MROH2B: variants seen among roughly 807,000 people sequenced by gnomAD.
MROH2B encodes maestro heat like repeat family member 2B, also known as maestro heat-like repeat-containing protein family member 2B.
In MROH2B, 177 loss-of-function variants were observed where a neutral mutation model predicts 208.6. The ratio of observed to expected loss-of-function variants is 0.85; its 90% CI spans 0.75 to 0.96. The LOEUF (loss-of-function observed/expected upper bound fraction) is 0.96. Among genes scored for constraint, MROH2B ranks in the 40% least tolerant of loss-of-function variants. MROH2B has a pLI of 0.00. For synonymous variants in MROH2B, 728 were observed against 659.0 expected (o/e 1.10, Z -1.60); for missense variants, 2,002 against 1,878.7 (o/e 1.07, Z -1.21).
In MROH2B at chr5:41,007,356, C is replaced by T; in HGVS notation, c.3707G>A (p.Ser1236Asn). ...GCCTATGTGGTGGGTACTAGGACTG[C>T]TGAGTAGAGTCCATAAGTTGTCCCC... Reference protein sequence around the residue: ...DEGDNLWTLLSSPSTHHIGVC... With the variant: ...DEGDNLWTLLNSPSTHHIGVC... Residue 1236 changes from serine to asparagine, a missense_variant, in exon 34 of 42, where the codon AGC becomes AAC. Physicochemically the swap from Ser to Asn is conservative, Grantham distance 46. Transcript: ENST00000399564. 6.5e-7 allele frequency: 1 copy of T among 1,541,552 alleles called. No individual in the cohort carries two copies. The highest frequency in any genetic ancestry group is 1.4e-5 in the African/African-American group (1 of 72,906).
intron 18 of MROH2B, among the ~76,000 whole-genome samples, chr5:41,045,174 G>GA (rs1743078169): frequency 6.6e-6 from 1 of 152,148 alleles, no homozygotes; most frequent in Non-Finnish European, 1.5e-5. Flanking sequence ...AATAATGTTT[G>GA]AAAAATACTT....
chr5:41,052,406 A>G, intron 12 of MROH2B, 59 bp downstream of exon 12: 1 of 1,446,710 alleles, frequency 6.9e-7, no homozygotes, highest in Non-Finnish European at 9.2e-7. Context: ...AAAAAGAAAC[A>G]TAGTTGAGCG....
Position 41,039,526 on chromosome 5 carries a change from G to T in MROH2B, c.1983C>A (p.Ala661=), listed in dbSNP as rs770970687. 3.7e-6 allele frequency: 6 copies of T among 1,603,732 alleles called. No individual in the cohort carries two copies. Among genetic ancestry groups the T allele is most frequent in the Non-Finnish European group, 4.3e-6 (5 of 1,174,794 alleles). The part of the protein sequence containing the change: ...QGITSILGYC[A]ENHLDIVLKV... ...TTAAAACAATATCCAAATGGTTCTC[G>T]GCACAGTATCCTAAAATAGATGTTA... Residue 661 remains alanine, a synonymous_variant, in exon 20 of 42, where the codon GCC becomes GCA. Transcript: ENST00000399564.
rs1371142640 is a variant in MROH2B at position 41,008,619 on chromosome 5, G to A, written c.3595C>T (p.Pro1199Ser). The A allele has an allele frequency of 6.2e-7, 1 of 1,613,686 alleles. No homozygotes were observed. The highest frequency in any genetic ancestry group is 1.1e-5 in the South Asian group (1 of 91,068). ...TTGGCCGTTTACCTGCAGGGGTCTG[G>A]GATCTGCTGCTGTTCTCCCTGCTGC... is the stretch of plus-strand genomic sequence containing the variant. ...VMQQGEQQQI[P>S]DPCRLSTATL... The change falls in exon 33 of 42, where the codon CCA becomes TCA. Residue 1199 changes from proline (P) to serine (S), a missense_variant. Coordinates refer to ENST00000399564, the MANE Select transcript of MROH2B (RefSeq NM_173489.5).
chr5:41,007,058 T>A (rs1271961921), intron 34 of MROH2B, among the ~76,000 whole-genome samples: 1 of 152,232 alleles, frequency 6.6e-6, no homozygotes, highest in East Asian at 1.9e-4. Context: ...GAATATTAAA[T>A]ATTTCTTTCA....
At chr5:41,046,577 G>A (rs1743127094) in intron 17 of MROH2B, among the ~76,000 whole-genome samples, 1 of 151,972 alleles carries the variant, frequency 6.6e-6, no homozygotes, top group Admixed American at 6.6e-5. Context: ...CTTAACAGGA[G>A]CTCATTCATG....
At chr5:41,058,654 T>A (rs1743538988) in intron 6 of MROH2B, among the ~76,000 whole-genome samples, 1 of 152,102 alleles carries the variant, frequency 6.6e-6, no homozygotes. Context: ...TATTTTATTT[T>A]ATTGTATTTT....
chr5:41,000,177 C>G (rs1231731178), intron 39 of MROH2B, 43 bp downstream of exon 39: 1 of 1,611,534 alleles, frequency 6.2e-7, no homozygotes, highest in South Asian at 1.1e-5. Flanking sequence ...TGTCTAGACC[C>G]TTGTCCTGCC....
At chr5:41,030,620 C>A (rs67702993) in intron 24 of MROH2B, among the ~76,000 whole-genome samples, 33,728 of 151,792 alleles carry the variant, frequency 0.22, 3,854 homozygotes, top group South Asian at 0.34. Flanking sequence ...ATAGGAAAAA[C>A]AATACTAAAA....
chr5:41,010,495 T>C (rs1172903689), intron 30 of MROH2B, among the ~76,000 whole-genome samples: 2 of 152,182 alleles, frequency 1.3e-5, no homozygotes, highest in African/African-American at 4.8e-5. Flanking sequence ...CTGAGTCACA[T>C]TGGAGGGCCA....
At chr5:41,009,888 C>T in intron 31 of MROH2B, 34 bp downstream of exon 31, 3 of 1,580,016 alleles carry the variant, frequency 1.9e-6, no homozygotes, top group Non-Finnish European at 2.6e-6. Context: ...AGTGGCCTTC[C>T]CTAGGAGAAG....
rs571200111 is a variant in MROH2B, at chr5:41,061,606, T to G, written c.579A>C (p.Ile193=). ...SDKIFMLFWY[I]MEKWAPLASP... Reference sequence around the variant, plus strand: ...AGGCCAAAGGGGCCCACTTCTCCATTATATACCAGAACAGCATGAAGATCT... The same window carrying G: ...AGGCCAAAGGGGCCCACTTCTCCATGATATACCAGAACAGCATGAAGATCT... The change falls in exon 6 of 42, where the codon ATA becomes ATC. Residue 193 remains isoleucine, a synonymous_variant. Coordinates refer to ENST00000399564, the MANE Select transcript of MROH2B (RefSeq NM_173489.5). 6 of 1,613,796 alleles carry G rather than the reference T, an allele frequency of 3.7e-6. No individual in the cohort carries two copies. In the South Asian group the frequency reaches 6.6e-5, roughly 18 times the overall value.
intron 29 of MROH2B, among the ~76,000 whole-genome samples, chr5:41,014,184 A>C (rs1023259531): frequency 6.6e-6 from 1 of 152,208 alleles, no homozygotes; most frequent in Non-Finnish European, 1.5e-5. Context: ...GAAAATTGCC[A>C]TAACACCAAT....
chr5:41,013,190 C>T (rs904864309), intron 29 of MROH2B, among the ~76,000 whole-genome samples: 14 of 152,156 alleles, frequency 9.2e-5, no homozygotes, highest in Non-Finnish European at 1.8e-4. Context: ...GCTGAATACT[C>T]AGGTGGTGGA....
rs776446390 is a variant in MROH2B at position 41,000,285 on chromosome 5, CTAA to C, written c.4414_4416del (p.Leu1472del). ...GGTAGATCCTGATCAAGGAGACGGTCTAATACCCCATAGAGCTCCTGGAGGCCC... is the reference window on the plus strand; with the variant it reads ...GGTAGATCCTGATCAAGGAGACGGTCTACCCCATAGAGCTCCTGGAGGCCC... On this transcript the variant is annotated inframe_deletion, in exon 39 of 42. Transcript: ENST00000399564. The C allele has an allele frequency of 1.7e-5, 27 of 1,613,754 alleles. No individual in the cohort carries two copies. The East Asian group carries it at 5.6e-4, about 33-fold the overall frequency.
chr5:41,026,287 C>G (rs937546788), intron 24 of MROH2B, among the ~76,000 whole-genome samples: 1 of 152,124 alleles, frequency 6.6e-6, no homozygotes, highest in Non-Finnish European at 1.5e-5. Context: ...CTAGAAAACC[C>G]CATTGTCTCA....
At chr5:41,070,442 C>G (rs548506194) in intron 1 of MROH2B, among the ~76,000 whole-genome samples, 1 of 152,272 alleles carries the variant, frequency 6.6e-6, no homozygotes, top group Admixed American at 6.5e-5. Flanking sequence ...AACCTCCACA[C>G]CAAACAACAT....
At chr5:41,010,668 A>G (rs1443785559) in intron 30 of MROH2B, among the ~76,000 whole-genome samples, 2 of 152,116 alleles carry the variant, frequency 1.3e-5, no homozygotes, top group African/African-American at 2.4e-5. Context: ...CAGTGCAACC[A>G]CTCTGTATGA....
At chr5:41,029,615 A>G (rs1742497059) in intron 24 of MROH2B, among the ~76,000 whole-genome samples, 1 of 152,200 alleles carries the variant, frequency 6.6e-6, no homozygotes, top group East Asian at 1.9e-4. Context: ...ACCATATGCT[A>G]AAATCAACTC....
Sources: gnomAD v4.1 joint callset for allele counts (sites outside exome capture counted in the v4.1 genomes callset) on GRCh38, gnomAD v4.1.1 for gene constraint, MANE v1.5 for transcripts, NCBI Gene and HGNC (gene_info 2026-07-23, HGNC 2026-07-21) for gene names.